HIP1R: variants seen among roughly 807,000 people sequenced by gnomAD.
HIP1R encodes huntingtin-interacting protein 1-related protein.
A neutral mutation model predicts 144.2 loss-of-function variants in HIP1R; 135 were observed. The observed-to-expected ratio is 0.94, with a 90% CI of 0.81 to 1.08. The LOEUF (loss-of-function observed/expected upper bound fraction) is 1.08. Among genes scored for constraint, HIP1R ranks in the 50% least tolerant of loss-of-function variants. The probability of loss-of-function intolerance (pLI) is 0.00; values close to 1 mark genes in which losing one functional copy is unlikely to be tolerated. For missense variants in HIP1R, 1,462 were observed against 1,432.8 expected, an observed-to-expected ratio of 1.02 and a Z score of -0.33; for synonymous variants, 698 against 612.8, an observed-to-expected ratio of 1.14 and a Z score of -2.05.
chr12:122,835,114 G>A (rs911290531), upstream of HIP1R: 11 of 869,268 alleles, frequency 1.3e-5, no homozygotes, highest in African/African-American at 1.9e-4. Context: ...TCCCCTCCGG[G>A]TTTAGGGAGG....
chr12:122,843,230 G>A (rs1164453236), intron 1 of HIP1R, among the ~76,000 whole-genome samples: 1 of 152,226 alleles, frequency 6.6e-6, no homozygotes, highest in Non-Finnish European at 1.5e-5. Context: ...TGCAGCCCAG[G>A]GCCGCCTGGG....
chr12:122,857,612 A>G (rs2033627867), intron 18 of HIP1R: 1 of 372,908 alleles, frequency 2.7e-6, no homozygotes, highest in Non-Finnish European at 5.0e-6. Context: ...GGAACACAGT[A>G]GAACTGCTGG....
chr12:122,842,097 C>A (rs2033074864), intron 1 of HIP1R, among the ~76,000 whole-genome samples: 1 of 152,194 alleles, frequency 6.6e-6, no homozygotes, highest in Non-Finnish European at 1.5e-5. Flanking sequence ...CCTGTGTTTG[C>A]TCTGTCAATG....
In HIP1R at chr12:122,862,706, C is replaced by G. The variant is rs2033806245; in HGVS notation, c.*953C>G. ...GTCAGATTTGAACGAATGTGTGTCC[C>G]TTGAGCCCAAGGAGAGCGGCAGGAG... is the stretch of plus-strand genomic sequence containing the variant. On this transcript the variant is annotated 3_prime_UTR_variant, in exon 32 of 32. Transcript: ENST00000253083. The G allele has an allele frequency of 6.6e-6, 1 of 152,036 alleles. No homozygotes were observed. Among genetic ancestry groups the G allele is most frequent in the Non-Finnish European group, 1.5e-5 (1 of 67,982 alleles). The allele number at this position is 152,036 out of a possible 1,614,324, so 9.4% of individuals were successfully genotyped here.
rs551179162 is a variant in HIP1R, at chr12:122,856,162, G to A, written c.1311G>A (p.Glu437=). 35 of 1,604,832 alleles carry A rather than the reference G, an allele frequency of 2.2e-5. No homozygotes were observed. The highest frequency in any genetic ancestry group is 1.0e-4 in the Admixed American group (6 of 58,406). Reference sequence around the variant, plus strand: ...GCCAGGGCCTGCGTGAGGAGGCTGAGAGTACGTGGGGCCTTGGCCACAGGG... The same window carrying A: ...GCCAGGGCCTGCGTGAGGAGGCTGAAAGTACGTGGGGCCTTGGCCACAGGG... ...ERSQGLREEA[E]RKASATEARY... The change falls in exon 14 of 32, where the codon GAG becomes GAA. Residue 437 remains glutamate (E), a splice_region_variant and synonymous_variant. Transcript: ENST00000253083.
At chr12:122,837,318 A>ATTTTT (rs200083960) in intron 1 of HIP1R, among the ~76,000 whole-genome samples, 1 of 140,124 alleles carries the variant, frequency 7.1e-6, no homozygotes, top group Non-Finnish European at 1.6e-5. Context: ...AAGAAGGTGG[A>ATTTTT]TTTTTTTTTT....
At chr12:122,851,149 C>T in intron 6 of HIP1R, 87 bp from the exon 7 acceptor site, 1 of 1,227,380 alleles carries the variant, frequency 8.1e-7, no homozygotes, top group East Asian at 2.7e-5. Flanking sequence ...TCGGCGGTGC[C>T]CCCGTCCCCA....
Position 122,861,509 on chromosome 12 carries a change from C to T in HIP1R, c.3154C>T (p.His1052Tyr). 6.2e-7 allele frequency: 1 copy of T among 1,610,318 alleles called. No homozygotes were observed. Among genetic ancestry groups the T allele is most frequent in the Non-Finnish European group, 8.5e-7 (1 of 1,178,504 alleles). The change falls in exon 31 of 32, where the codon CAC becomes TAC. Residue 1052 changes from histidine (H) to tyrosine (Y), a missense_variant. By Grantham distance (83) the His-to-Tyr change is moderately conservative (BLOSUM62 2). Around this residue, in one of 2 missense-constraint regions of HIP1R, gnomAD observed 1,112 missense variants for 1,011.7 expected, o/e 1.10. Transcript: ENST00000253083. ...QKPSVAPRQD[H>Y]QLDKKDGIYP... is the part of the protein sequence containing the mutation. ...GCCCAGCGTGGCCCCCAGACAGGAC[C>T]ACCAGGTGCCGTCTGCACTGGGATG...
chr12:122,850,841 C>T lies in HIP1R; in HGVS notation c.445C>T (p.Gln149Ter), dbSNP rs767768224. 1.9e-6 allele frequency: 3 copies of T among 1,609,042 alleles called. No homozygotes were observed. Among genetic ancestry groups the T allele is most frequent in the South Asian group, 2.2e-5 (2 of 90,070 alleles). The change falls in exon 6 of 32, where the codon CAG becomes TAG. Residue 149 changes from glutamine to a stop codon, truncating the protein, a stop_gained. Transcript: ENST00000253083. LOFTEE classifies it high-confidence loss of function. ...GTGGGGGTTCTCTCCACAGCATCCC[C>T]AGTTTCCCGCGGGCCTGGAGGTGAC... ...TKISFHLKHP[Q>*]FPAGLEVTDE... is the part of the protein sequence containing the mutation.
In HIP1R at chr12:122,860,102, T is replaced by TCTGCACCTGGAGGGC. The variant is rs779775071; in HGVS notation, c.2496+27_2497-30dup. ...GGTGAGGGGCTGTGACCCGGGGGGG[T>TCTGCACCTGGAGGGC]CTGCACCTGGAGGGCCACCAGTCAT... On this transcript the variant is annotated intron_variant, in intron 25 of 31. Transcript: ENST00000253083. 1.9e-6 allele frequency: 3 copies of TCTGCACCTGGAGGGC among 1,578,984 alleles called. No individual in the cohort carries two copies. In the African/African-American group the frequency reaches 4.1e-5, roughly 21 times the overall value.
Position 122,860,618 on chromosome 12 carries a change from G to A in HIP1R, c.2661-61G>A. ...GGGTGCAGGGAGTAGAGGGGGTGTGGAGTGGTGCCAGCCGTCCGTGGGGTC... is the reference window on the plus strand; with the variant it reads ...GGGTGCAGGGAGTAGAGGGGGTGTGAAGTGGTGCCAGCCGTCCGTGGGGTC... On this transcript the variant is annotated intron_variant, in intron 27 of 31. Coordinates refer to ENST00000253083, the MANE Select transcript of HIP1R (RefSeq NM_003959.3). 8 of 1,563,264 alleles carry A rather than the reference G, an allele frequency of 5.1e-6. No individual in the cohort carries two copies. In the South Asian group the frequency reaches 7.8e-5, roughly 15 times the overall value.
At chr12:122,850,212 C>T in intron 5 of HIP1R, 1 of 629,484 alleles carries the variant, frequency 1.6e-6, no homozygotes, top group Non-Finnish European at 3.0e-6. Context: ...CGCTGGGCTT[C>T]CTCAGTCTCT....
rs756498572 is a variant in HIP1R, at chr12:122,850,850, G to A, written c.454G>A (p.Ala152Thr). 34 of 1,609,268 alleles carry A rather than the reference G, an allele frequency of 2.1e-5. No homozygotes were observed. The South Asian group carries it at 2.2e-4, about 11-fold the overall frequency. ...CTCTCCACAGCATCCCCAGTTTCCC[G>A]CGGGCCTGGAGGTGACAGATGAGGT... is the stretch of plus-strand genomic sequence containing the variant. ...SFHLKHPQFP[A>T]GLEVTDEVLE... The change falls in exon 6 of 32, where the codon GCG becomes ACG. Residue 152 changes from alanine (A) to threonine (T), a missense_variant. This residue lies in a region of HIP1R where 350 missense variants were observed against 421.1 expected (regional missense o/e 0.83). Coordinates refer to ENST00000253083, the MANE Select transcript of HIP1R (RefSeq NM_003959.3).
In HIP1R at chr12:122,861,381, A is replaced by G; in HGVS notation, c.3026A>G (p.Tyr1009Cys). 1 of 1,613,530 alleles carries G rather than the reference A, an allele frequency of 6.2e-7. No homozygotes were observed. The highest frequency in any genetic ancestry group is 8.5e-7 in the Non-Finnish European group (1 of 1,179,914). Residue 1009 changes from tyrosine (Y) to cysteine (C), a missense_variant, in exon 31 of 32, where the codon TAC becomes TGC. Coordinates refer to ENST00000253083, the MANE Select transcript of HIP1R (RefSeq NM_003959.3). ...CTGGGGGAGTTGCGGAAGCAACACT[A>G]CGTGCTGGCTGGGGCATCAGGCAGC... is the stretch of plus-strand genomic sequence containing the variant. ...MRLGELRKQH[Y>C]VLAGASGSPG...
intron 1 of HIP1R, among the ~76,000 whole-genome samples, chr12:122,842,442 C>T (rs1283787071): frequency 6.6e-6 from 1 of 152,254 alleles, no homozygotes; most frequent in Non-Finnish European, 1.5e-5. Flanking sequence ...TGAAAGAGCT[C>T]TTGTCCTTCG....
At chr12:122,858,790 T>A (rs765197370) in intron 20 of HIP1R, 48 bp from the exon 21 acceptor site, 1 of 1,301,692 alleles carries the variant, frequency 7.7e-7, no homozygotes, top group Non-Finnish European at 1.1e-6. Flanking sequence ...CCAGTGCTAG[T>A]GTCTCAGTGT....
intron 3 of HIP1R, 61 bp downstream of exon 3, chr12:122,848,669 G>A: frequency 6.3e-7 from 1 of 1,594,446 alleles, no homozygotes; most frequent in Non-Finnish European, 8.6e-7. Context: ...GGACATGCGG[G>A]CTCTGGCCCT....
intron 1 of HIP1R, among the ~76,000 whole-genome samples, chr12:122,847,249 G>T (rs568431224): frequency 4.6e-5 from 7 of 151,610 alleles, no homozygotes; most frequent in Admixed American, 4.6e-4. Flanking sequence ...AGCCCTCCTC[G>T]AGAGCACAGT....
At chr12:122,858,988 C>G (rs1377226828) in intron 21 of HIP1R, 43 bp downstream of exon 21, 1 of 1,609,856 alleles carries the variant, frequency 6.2e-7, no homozygotes, top group African/African-American at 1.3e-5. Context: ...ACCTCACTGG[C>G]TTGTCTCCCC....
Sources: allele counts gnomAD v4.1 joint callset (sites outside exome capture counted in the v4.1 genomes callset), GRCh38; gene constraint gnomAD v4.1.1; regional missense constraint gnomAD v4.1.1; transcripts MANE v1.5; gene names NCBI Gene and HGNC (gene_info 2026-07-23, HGNC 2026-07-21).